Variants in GCN1 observed in about 807,000 individuals in gnomAD.
GCN1 encodes stalled ribosome sensor GCN1.
A neutral mutation model predicts 288.4 loss-of-function variants in GCN1; 90 were observed. The observed-to-expected ratio is 0.31, with a 90% confidence interval of 0.26 to 0.37. The LOEUF (loss-of-function observed/expected upper bound fraction) is 0.37, where lower values mean the gene tolerates loss of function less well. Ranked by LOEUF, GCN1 falls within the 10% of genes least tolerant of loss-of-function variation. GCN1 has a pLI of 1.00. For missense variants in GCN1, 2,586 were observed against 3,419.9 expected (o/e 0.76, Z 6.08); for synonymous variants, 1,386 against 1,420.2 (o/e 0.98, Z 0.54).
At chr12:120,190,800 C>A (rs541628066) in intron 1 of GCN1, among the ~76,000 whole-genome samples, 2 of 152,274 alleles carry the variant, frequency 1.3e-5, no homozygotes, top group East Asian at 3.9e-4. Context: ...TACCCAAAAT[C>A]TAGCAAGGGC....
intron 42 of GCN1, 87 bp from the exon 43 acceptor site, chr12:120,143,028 G>A (rs979904385): frequency 1.3e-6 from 1 of 766,942 alleles, no homozygotes; most frequent in Non-Finnish European, 2.3e-6. Context: ...GGAAAGAAGT[G>A]CACCCAAAAT....
Position 120,156,696 on chromosome 12 carries a change from C to G in GCN1, c.3169-92G>C. ...TATGCACTGAGAACACCCACCCCTA[C>G]AGCACTGCAAGGGCTAAGACCCCAG... On this transcript the variant is annotated intron_variant, in intron 27 of 57. Transcript: ENST00000300648. This position sits in a 1 kb window ranked among gnomAD's most constrained non-coding sequence, Gnocchi z 5.8. 1.5e-6 allele frequency: 2 copies of G among 1,304,868 alleles called. No homozygotes were observed. The allele number at this position is 1,304,868 out of a possible 1,614,324, so 80.8% of individuals were successfully genotyped here.
chr12:120,137,137 CA>C lies in GCN1; in HGVS notation c.6777+68del, dbSNP rs1322930767. The C allele has an allele frequency of 4.4e-6, 5 of 1,132,082 alleles. No homozygotes were observed. The African/African-American group carries it at 4.6e-5, about 10-fold the overall frequency. 70.1% of individuals were successfully genotyped at this position (1,132,082 alleles called of 1,614,324 possible). A position where few individuals can be genotyped will look rare whatever the true frequency, so the allele number is the denominator to read the frequency against. Reference sequence around the variant, plus strand: ...AGCAGCCCCTACCGCAGACCTGGGACAGGGGTAAGGGCCAGAAGGGCACAAC... The same window carrying C: ...AGCAGCCCCTACCGCAGACCTGGGACGGGGTAAGGGCCAGAAGGGCACAAC... On this transcript the variant is annotated intron_variant, in intron 50 of 57. Coordinates refer to ENST00000300648, the MANE Select transcript of GCN1 (RefSeq NM_006836.2). This position sits in a 1 kb window ranked among gnomAD's most constrained non-coding sequence, Gnocchi z 5.2.
rs763998350 is a variant in GCN1, at chr12:120,131,913, C to T, written c.7414+13G>A. 1.5e-5 allele frequency: 23 copies of T among 1,554,236 alleles called. No homozygotes were observed. The highest frequency in any genetic ancestry group is 2.0e-5 in the Non-Finnish European group (23 of 1,133,902). ...GCCCAGGTCCCTGAAGGGGAACTCT[C>T]CAGTGTACTTACCCAGCAAGCACTG... On this transcript the variant is annotated intron_variant, in intron 54 of 57. Coordinates refer to ENST00000300648, the MANE Select transcript of GCN1 (RefSeq NM_006836.2).
rs80237917 is a variant in GCN1 at position 120,128,026 on chromosome 12, C to T, written c.7891-52G>A. ...ACATAGTCAGAACATACGGCTGCCACGTTCTCCAATTGGAGAAAGACAAAA... is the reference window on the plus strand; with the variant it reads ...ACATAGTCAGAACATACGGCTGCCATGTTCTCCAATTGGAGAAAGACAAAA... On this transcript the variant is annotated intron_variant, in intron 57 of 57. Coordinates refer to ENST00000300648, the MANE Select transcript of GCN1 (RefSeq NM_006836.2). 6,781 of 1,593,588 alleles carry T rather than the reference C, an allele frequency of 4.3e-3. 278 individuals carry two copies. The African/African-American group carries it at 0.081, about 19-fold the overall frequency.
chr12:120,131,863 G>A (rs571239092), intron 54 of GCN1, 63 bp downstream of exon 54: 33 of 1,000,588 alleles, frequency 3.3e-5, no homozygotes, highest in African/African-American at 1.3e-4. Context: ...GGAGATGCCC[G>A]TCGACTCTTC....
chr12:120,144,944 CCA>C lies in GCN1; in HGVS notation c.5132_5133del (p.Val1711GlyfsTer11). On this transcript the variant is annotated frameshift_variant, in exon 40 of 58. Transcript: ENST00000300648. LOFTEE classifies it high-confidence loss of function. The surrounding 1 kb of genome is among the most constrained non-coding windows in gnomAD (Gnocchi z 4.7). Reference protein sequence around the residue: ...METLTYEQSSVDRSGAAQGLA... With the variant: ...METLTYEQSSXDRSGAAQGLA... ...TTACCCTGTGCAGCGCCTGAGCGAT[CCA>C]CAGAGCTCTGCTCATAGGTCAGTGT... The C allele has an allele frequency of 6.2e-7, 1 of 1,614,060 alleles. No individual in the cohort carries two copies.
rs1877820362 is a variant in GCN1 at position 120,158,406 on chromosome 12, T to C, written c.2905+54A>G. On this transcript the variant is annotated intron_variant, in intron 25 of 57. Coordinates refer to ENST00000300648, the MANE Select transcript of GCN1 (RefSeq NM_006836.2). This position sits in a 1 kb window ranked among gnomAD's most constrained non-coding sequence, Gnocchi z 4.3. ...GGGTGACGCTGTGCCTTGAGCAGCA[T>C]TCCTGGCACCAGCTCACACCGCCTG... is the stretch of plus-strand genomic sequence containing the variant. 1 of 1,448,864 alleles carries C rather than the reference T, an allele frequency of 6.9e-7. No individual in the cohort carries two copies. The highest frequency in any genetic ancestry group is 9.3e-7 in the Non-Finnish European group (1 of 1,075,388). 89.8% of individuals were successfully genotyped at this position (1,448,864 alleles called of 1,614,324 possible). A position where few individuals can be genotyped will look rare whatever the true frequency, so the allele number is the denominator to read the frequency against.
At chr12:120,152,135 T>A (rs553447328) in intron 33 of GCN1, among the ~76,000 whole-genome samples, 2 of 152,172 alleles carry the variant, frequency 1.3e-5, no homozygotes, top group South Asian at 2.1e-4. Context: ...ACTCAAGCAA[T>A]CCTATTGCCT....
At chr12:120,141,409 G>A (rs1429588683) in intron 44 of GCN1, among the ~76,000 whole-genome samples, 1 of 152,142 alleles carries the variant, frequency 6.6e-6, no homozygotes, top group African/African-American at 2.4e-5. Context: ...TCTACTTTCT[G>A]AGACCTCATG....
intron 9 of GCN1, among the ~76,000 whole-genome samples, chr12:120,176,704 T>C (rs1878491470): frequency 6.6e-6 from 1 of 152,156 alleles, no homozygotes; most frequent in African/African-American, 2.4e-5. Flanking sequence ...CCCCTAAAAT[T>C]ATATGCAGTA....
chr12:120,127,709 C>T lies in GCN1; in HGVS notation c.*140G>A. 9.7e-6 allele frequency: 9 copies of T among 927,774 alleles called. No individual in the cohort carries two copies. Among genetic ancestry groups the T allele is most frequent in the Non-Finnish European group, 1.5e-5 (9 of 608,556 alleles). 57.5% of individuals were successfully genotyped at this position (927,774 alleles called of 1,614,324 possible). On this transcript the variant is annotated 3_prime_UTR_variant, in exon 58 of 58. Transcript: ENST00000300648. ...AGTTGTGTGTGGGTTTGATTTAAGGCTTTGGCTGTGGTCTATTGATATTAA... is the reference window on the plus strand; with the variant it reads ...AGTTGTGTGTGGGTTTGATTTAAGGTTTTGGCTGTGGTCTATTGATATTAA...
chr12:120,153,073 G>T lies in GCN1; in HGVS notation c.4062+140C>A. On this transcript the variant is annotated intron_variant, in intron 33 of 57. Coordinates refer to ENST00000300648, the MANE Select transcript of GCN1 (RefSeq NM_006836.2). The surrounding 1 kb of genome is among the most constrained non-coding windows in gnomAD (Gnocchi z 4.4). Reference sequence around the variant, plus strand: ...GACTATAAACCAGGCTCTCCCCTGCGAGAGGGGGTGAATCCTTAACAAGAA... The same window carrying T: ...GACTATAAACCAGGCTCTCCCCTGCTAGAGGGGGTGAATCCTTAACAAGAA... 1.5e-6 allele frequency: 1 copy of T among 663,966 alleles called. No homozygotes were observed. Among genetic ancestry groups the T allele is most frequent in the Non-Finnish European group, 2.6e-6 (1 of 388,312 alleles). The allele number at this position is 663,966 out of a possible 1,614,324, so 41.1% of individuals were successfully genotyped here. A position where few individuals can be genotyped will look rare whatever the true frequency, so the allele number is the denominator to read the frequency against.
chr12:120,178,816 A>C, intron 6 of GCN1, 36 bp downstream of exon 6: 1 of 1,612,796 alleles, frequency 6.2e-7, no homozygotes, highest in South Asian at 1.1e-5. Flanking sequence ...GTGGCATGGA[A>C]GAAGCAATGC....
intron 7 of GCN1, 116 bp downstream of exon 7, chr12:120,178,509 A>C: frequency 1.0e-6 from 1 of 1,003,258 alleles, no homozygotes; most frequent in Non-Finnish European, 1.5e-6. Flanking sequence ...AACAAGTTTC[A>C]GATAAGGTCA....
At position 120,156,452 on chromosome 12, in the gene GCN1, A is replaced by G. The variant is rs193179387; in HGVS notation, c.3312+9T>C. 2 of 1,613,166 alleles carry G rather than the reference A, an allele frequency of 1.2e-6. No homozygotes were observed. Among genetic ancestry groups the G allele is most frequent in the East Asian group, 2.2e-5 (1 of 44,872 alleles). On this transcript the variant is annotated intron_variant, in intron 28 of 57. Transcript: ENST00000300648. The surrounding 1 kb of genome is among the most constrained non-coding windows in gnomAD (Gnocchi z 5.8). ...GGACACTGCAGTGGCTCTGAGACTG[A>G]GCACACACCCGGAGCACGGTTTCCC... is the stretch of plus-strand genomic sequence containing the variant.
intron 2 of GCN1, among the ~76,000 whole-genome samples, chr12:120,187,236 G>C (rs1878849822): frequency 6.8e-6 from 1 of 147,620 alleles, no homozygotes; most frequent in South Asian, 2.1e-4. Flanking sequence ...TTTTGAGACA[G>C]AGTTTCGTTC....
intron 2 of GCN1, among the ~76,000 whole-genome samples, chr12:120,187,217 T>C (rs1878849139): frequency 6.6e-6 from 1 of 151,286 alleles, no homozygotes; most frequent in Non-Finnish European, 1.5e-5. Flanking sequence ...GATTTTCTTT[T>C]TTTTTTTTTT....
chr12:120,174,448 G>A (rs1202083024), intron 12 of GCN1, among the ~76,000 whole-genome samples: 3 of 152,190 alleles, frequency 2.0e-5, no homozygotes, highest in African/African-American at 7.2e-5. Context: ...ATCGTCACAG[G>A]AGTCAAGATG....
Sources: gnomAD v4.1 joint callset for allele counts (sites outside exome capture counted in the v4.1 genomes callset) on GRCh38, gnomAD v4.1.1 for gene constraint, Gnocchi (gnomAD v3.1) non-coding constraint, MANE v1.5 for transcripts, NCBI Gene and HGNC (gene_info 2026-07-23, HGNC 2026-07-21) for gene names.